Variants in IGF1 observed in about 807,000 individuals in gnomAD.
The protein encoded by IGF1 is insulin-like growth factor 1.
IGF1 carries 4 observed loss-of-function variants against 13.8 expected under a neutral mutation model. That is an observed-to-expected ratio of 0.29 (90% CI 0.14 to 0.66). IGF1 has a LOEUF of 0.66. Ranked by LOEUF, IGF1 falls within the 30% of genes least tolerant of loss-of-function variation. IGF1 has a pLI of 0.78. For missense variants in IGF1, 124 were observed against 188.5 expected (o/e 0.66, Z 2.00); for synonymous variants, 76 against 72.6 (o/e 1.05, Z -0.23).
intron 2 of IGF1, among the ~76,000 whole-genome samples, chr12:102,465,497 A>T (rs1326056227): frequency 1.3e-5 from 2 of 152,238 alleles, no homozygotes; most frequent in African/African-American, 4.8e-5. Context: ...TGAGCAATTG[A>T]ATGACTGTGA....
chr12:102,455,039 G>C (rs1443970237), intron 2 of IGF1, among the ~76,000 whole-genome samples: 2 of 152,164 alleles, frequency 1.3e-5, no homozygotes, highest in Non-Finnish European at 2.9e-5. Context: ...GAAGAAGGGA[G>C]GACATGGCCC....
chr12:102,475,865 C>A (rs1162479947), intron 1 of IGF1, 66 bp from the exon 2 acceptor site: 1 of 1,508,616 alleles, frequency 6.6e-7, no homozygotes, highest in Admixed American at 1.9e-5. Context: ...TGGGGTGGGA[C>A]AGAAGTGCAT....
chr12:102,441,952 C>CTTCTTCTTCTTCTTCTTCTTCT (rs1565984911), intron 2 of IGF1, among the ~76,000 whole-genome samples: 3 of 140,946 alleles, frequency 2.1e-5, no homozygotes, highest in Non-Finnish European at 3.1e-5. Context: ...TCTTCTTCTT[C>CTTCTTCTTCTTCTTCTTCTTCT]TTCTTTTTTT....
intron 2 of IGF1, among the ~76,000 whole-genome samples, chr12:102,433,004 G>T (rs1592771740): frequency 6.6e-6 from 1 of 152,140 alleles, no homozygotes; most frequent in East Asian, 1.9e-4. Context: ...CCACACTTCA[G>T]TGTATGGGAG....
At chr12:102,455,062 G>A (rs1331340583) in intron 2 of IGF1, among the ~76,000 whole-genome samples, 7 of 152,214 alleles carry the variant, frequency 4.6e-5, no homozygotes, top group Admixed American at 2.0e-4. Context: ...GCCACCCACC[G>A]TGCCATTCCT....
At chr12:102,462,969 A>G (rs556106770) in intron 2 of IGF1, 2 of 152,320 alleles carry the variant, frequency 1.3e-5, no homozygotes, top group African/African-American at 2.4e-5. Context: ...TTTTCACTCA[A>G]TAGCCATTGA....
At chr12:102,435,137 C>A (rs1877111466) in intron 2 of IGF1, among the ~76,000 whole-genome samples, 1 of 152,032 alleles carries the variant, frequency 6.6e-6, no homozygotes, top group South Asian at 2.1e-4. Flanking sequence ...AAGAAAAGTG[C>A]ATAGGTTACA....
chr12:102,471,170 G>T (rs1880662265), intron 2 of IGF1, among the ~76,000 whole-genome samples: 1 of 152,102 alleles, frequency 6.6e-6, no homozygotes, highest in African/African-American at 2.4e-5. Flanking sequence ...TATCTCTGGG[G>T]ACCAACAGAA....
At chr12:102,407,037 T>C (rs1874211170) in intron 3 of IGF1, among the ~76,000 whole-genome samples, 1 of 139,384 alleles carries the variant, frequency 7.2e-6, no homozygotes, top group Non-Finnish European at 1.5e-5. Flanking sequence ...GAGGTTGCAG[T>C]GAGCTGAGAT....
chr12:102,435,668 A>T (rs1424988089), intron 2 of IGF1, among the ~76,000 whole-genome samples: 1 of 152,174 alleles, frequency 6.6e-6, no homozygotes, highest in Non-Finnish European at 1.5e-5. Context: ...CCACCCACAT[A>T]CTTGTCCCCA....
chr12:102,457,366 AGG>A (rs948406722), intron 2 of IGF1, among the ~76,000 whole-genome samples: 8 of 152,214 alleles, frequency 5.3e-5, no homozygotes, highest in African/African-American at 1.9e-4. Context: ...ATAAGATGGG[AGG>A]GGAACCTCAT....
At chr12:102,480,269 A>G (rs1483988384) in intron 1 of IGF1, 50 bp downstream of exon 1, 2 of 1,545,598 alleles carry the variant, frequency 1.3e-6, no homozygotes, top group African/African-American at 2.7e-5. Flanking sequence ...CAAACAGTAC[A>G]CAATTTAAAT....
chr12:102,440,517 T>C (rs1877624664), intron 2 of IGF1, among the ~76,000 whole-genome samples: 1 of 152,218 alleles, frequency 6.6e-6, no homozygotes, highest in South Asian at 2.1e-4. Flanking sequence ...CTGGTTCTTT[T>C]TCCACGGGAC....
chr12:102,476,520 A>C (rs1341488374), intron 1 of IGF1, among the ~76,000 whole-genome samples: 1 of 152,146 alleles, frequency 6.6e-6, no homozygotes, highest in African/African-American at 2.4e-5. Flanking sequence ...AGAAAAAAAT[A>C]TGAGAATCGA....
At chr12:102,458,332 A>G (rs969913459) in intron 2 of IGF1, among the ~76,000 whole-genome samples, 2 of 152,150 alleles carry the variant, frequency 1.3e-5, no homozygotes, top group Non-Finnish European at 2.9e-5. Flanking sequence ...TGTGCATACT[A>G]AAGGATTTGC....
rs184815050 is a variant in IGF1 at position 102,475,936 on chromosome 12, G to A, written c.64-137C>T. The A allele has an allele frequency of 7.7e-4, 692 of 897,370 alleles. 4 individuals carry two copies. In the Middle Eastern group the frequency reaches 0.011, roughly 14 times the overall value. The allele number at this position is 897,370 out of a possible 1,614,324, so 55.6% of individuals were successfully genotyped here. On this transcript the variant is annotated intron_variant, in intron 1 of 3. Coordinates refer to ENST00000337514, the MANE Select transcript of IGF1 (RefSeq NM_000618.5). ...ACTACCCAGCACAGAAGCCAATAGAGTACATGAGAACCCAGAGGGAGTTGT... is the reference window on the plus strand; with the variant it reads ...ACTACCCAGCACAGAAGCCAATAGAATACATGAGAACCCAGAGGGAGTTGT...
intron 2 of IGF1, among the ~76,000 whole-genome samples, chr12:102,457,023 A>T (rs561411611): frequency 1.2e-4 from 18 of 152,330 alleles, no homozygotes; most frequent in African/African-American, 4.3e-4. Context: ...GTAGGCAGGC[A>T]GGGCTGACTG....
intron 3 of IGF1, among the ~76,000 whole-genome samples, chr12:102,412,942 G>A (rs1017510687): frequency 2.6e-5 from 4 of 152,186 alleles, no homozygotes; most frequent in Non-Finnish European, 5.9e-5. Flanking sequence ...AAATATGTGG[G>A]CATCAGGGAA....
In IGF1 at chr12:102,434,997, G is replaced by A. The variant is rs182008421; in HGVS notation, c.221-15307C>T. ...AACCATGGATAGAAAATATTTGAAC[G>A]AAAATTAAAAATAACAATATAACAA... On this transcript the variant is annotated intron_variant, in intron 2 of 3. Coordinates refer to ENST00000337514, the MANE Select transcript of IGF1 (RefSeq NM_000618.5). Among the ~76,000 whole-genome samples, 33 of 152,220 alleles carry A rather than the reference G, an allele frequency of 2.2e-4. No homozygotes were observed. In the East Asian group the frequency reaches 4.6e-3, roughly 21 times the overall value.
Sources: gnomAD v4.1 joint callset for allele counts (sites outside exome capture counted in the v4.1 genomes callset) on GRCh38, gnomAD v4.1.1 for gene constraint, MANE v1.5 for transcripts, NCBI Gene and HGNC (gene_info 2026-07-23, HGNC 2026-07-21) for gene names.